Variants in SLC24A3 observed in about 807,000 individuals in gnomAD.
The protein encoded by SLC24A3 is solute carrier family 24 member 3.
Under a neutral mutation model 75.8 loss-of-function variants are expected in SLC24A3, and 28 were observed. The observed-to-expected ratio is 0.37, with a 90% confidence interval of 0.27 to 0.51. SLC24A3 has a LOEUF of 0.51. Among genes scored for constraint, SLC24A3 ranks in the 20% least tolerant of loss-of-function variants. SLC24A3 has a pLI of 0.94. For synonymous variants in SLC24A3, 372 were observed against 334.1 expected (o/e 1.11, Z -1.24); for missense variants, 663 against 847.8 (o/e 0.78, Z 2.71).
At chr20:19,491,646 C>T (rs182497750) in intron 2 of SLC24A3, among the ~76,000 whole-genome samples, 133 of 152,306 alleles carry the variant, frequency 8.7e-4, no homozygotes, top group African/African-American at 3.1e-3. Context: ...ACCCCTGCCC[C>T]TCCTCTGTTC....
chr20:19,429,373 T>C (rs144221457), intron 2 of SLC24A3, among the ~76,000 whole-genome samples: 1 of 152,360 alleles, frequency 6.6e-6, no homozygotes, highest in Non-Finnish European at 1.5e-5. Flanking sequence ...TTCAGGATTA[T>C]CCAGGCAGCA....
intron 3 of SLC24A3, among the ~76,000 whole-genome samples, chr20:19,517,357 TTCTCCCCACCTCCATCTCCCC>T (rs1420284696): frequency 6.6e-6 from 1 of 152,122 alleles, no homozygotes; most frequent in East Asian, 1.9e-4. Context: ...GCATGGTCCT[TTCTCCCCACCTCCATCTCCCC>T]TCTGGACTCA....
chr20:19,632,816 A>C (rs2031951437), intron 6 of SLC24A3, among the ~76,000 whole-genome samples: 1 of 152,188 alleles, frequency 6.6e-6, no homozygotes, highest in Non-Finnish European at 1.5e-5. Flanking sequence ...CGTCCTAGAA[A>C]GTCTATTAAA....
chr20:19,582,380 T>C (rs1327393501), intron 4 of SLC24A3, among the ~76,000 whole-genome samples: 2 of 152,246 alleles, frequency 1.3e-5, no homozygotes, highest in South Asian at 4.1e-4. Flanking sequence ...TTGTGAAAGA[T>C]GAGTGGGGAG....
intron 2 of SLC24A3, among the ~76,000 whole-genome samples, chr20:19,329,868 A>G (rs1045934009): frequency 7.2e-5 from 11 of 152,160 alleles, no homozygotes; most frequent in Non-Finnish European, 1.6e-4. Flanking sequence ...TTGAAGGTCA[A>G]GGCTTTGACC....
At chr20:19,378,224 C>T (rs1003251766) in intron 2 of SLC24A3, among the ~76,000 whole-genome samples, 2 of 151,740 alleles carry the variant, frequency 1.3e-5, no homozygotes, top group Non-Finnish European at 2.9e-5. Flanking sequence ...ATGGAGTTCA[C>T]TGGGCATGCG....
chr20:19,588,242 G>T (rs996042183), intron 6 of SLC24A3, among the ~76,000 whole-genome samples: 2 of 152,174 alleles, frequency 1.3e-5, no homozygotes, highest in African/African-American at 4.8e-5. Context: ...GCAAAGGCTG[G>T]ATATTGGGAA....
intron 6 of SLC24A3, among the ~76,000 whole-genome samples, chr20:19,619,969 AG>A (rs1161801317): frequency 6.6e-6 from 1 of 152,212 alleles, no homozygotes; most frequent in Non-Finnish European, 1.5e-5. Context: ...TTTATTCTGC[AG>A]GGAAAAAATC....
chr20:19,474,745 T>C (rs1987933757), intron 2 of SLC24A3, among the ~76,000 whole-genome samples: 2 of 152,180 alleles, frequency 1.3e-5, no homozygotes, highest in African/African-American at 4.8e-5. Flanking sequence ...GTAAGAACAT[T>C]TAAGATCTAC....
rs921202177 is a variant in SLC24A3 at position 19,461,791 on chromosome 20, C to G, written c.272-53697C>G. 3.3e-5 allele frequency among the ~76,000 whole-genome samples: 5 copies of G among 152,114 alleles called. No individual in the cohort carries two copies. The South Asian group carries it at 8.3e-4, about 25-fold the overall frequency. ...CAAGCCATCTGCCCGCCTCTGCCTC[C>G]CTAAGTGCTGAAGTTACAGGAGTGA... is the stretch of plus-strand genomic sequence containing the variant. On this transcript the variant is annotated intron_variant, in intron 2 of 16. Coordinates refer to ENST00000328041, the MANE Select transcript of SLC24A3 (RefSeq NM_020689.4).
Position 19,721,266 on chromosome 20 carries a change from C to CAAAACAGGAGCGGAGGCCTGA in SLC24A3, c.*126_*127insAAAACAGGAGCGGAGGCCTGA. On this transcript the variant is annotated 3_prime_UTR_variant, in exon 17 of 17. Coordinates refer to ENST00000328041, the MANE Select transcript of SLC24A3 (RefSeq NM_020689.4). ...CTCTCCTGTGCTGTCCTCAGGCCTCCGCTCCTGTTTTGGTGGCCCAGGCTC... is the reference window on the plus strand; with the variant it reads ...CTCTCCTGTGCTGTCCTCAGGCCTCCAAAACAGGAGCGGAGGCCTGAGCTCCTGTTTTGGTGGCCCAGGCTC... 1 of 1,272,112 alleles carries CAAAACAGGAGCGGAGGCCTGA rather than the reference C, an allele frequency of 7.9e-7. No individual in the cohort carries two copies. The highest frequency in any genetic ancestry group is 1.1e-6 in the Non-Finnish European group (1 of 925,696). 78.8% of individuals were successfully genotyped at this position (1,272,112 alleles called of 1,614,324 possible).
At chr20:19,278,471 C>T (rs553143021) in intron 1 of SLC24A3, among the ~76,000 whole-genome samples, 1 of 152,168 alleles carries the variant, frequency 6.6e-6, no homozygotes, top group South Asian at 2.1e-4. Context: ...GAGGGGATGC[C>T]CTTCTCCACA....
chr20:19,478,128 C>G (rs1987992366), intron 2 of SLC24A3, among the ~76,000 whole-genome samples: 1 of 152,186 alleles, frequency 6.6e-6, no homozygotes, highest in Non-Finnish European at 1.5e-5. Flanking sequence ...CAGAGATTGT[C>G]CATCAAAGTC....
chr20:19,368,360 G>A (rs1198165370), intron 2 of SLC24A3, among the ~76,000 whole-genome samples: 2 of 152,184 alleles, frequency 1.3e-5, no homozygotes, highest in African/African-American at 4.8e-5. Flanking sequence ...GACTGCCCTG[G>A]GACCCTCGTG....
At chr20:19,390,701 G>A (rs1421955022) in intron 2 of SLC24A3, among the ~76,000 whole-genome samples, 3 of 152,300 alleles carry the variant, frequency 2.0e-5, no homozygotes, top group Middle Eastern at 3.4e-3. Flanking sequence ...TGAATTTCCT[G>A]TATCAGCTAT....
At chr20:19,349,684 C>T (rs1985522414) in intron 2 of SLC24A3, among the ~76,000 whole-genome samples, 1 of 152,196 alleles carries the variant, frequency 6.6e-6, no homozygotes, top group African/African-American at 2.4e-5. Context: ...TTGCCCACAG[C>T]AGTAACTGGC....
chr20:19,258,699 C>T (rs1226901483), intron 1 of SLC24A3, among the ~76,000 whole-genome samples: 2 of 146,138 alleles, frequency 1.4e-5, no homozygotes, highest in African/African-American at 2.8e-5. Context: ...GAGACTCTGT[C>T]TCCAAATAAA....
At chr20:19,637,588 G>A (rs1368229663) in intron 6 of SLC24A3, among the ~76,000 whole-genome samples, 1 of 152,176 alleles carries the variant, frequency 6.6e-6, no homozygotes, top group African/African-American at 2.4e-5. Flanking sequence ...TTCGCGTACT[G>A]GTAGTAATAA....
At chr20:19,628,202 C>CAAAAAAAAAAAAAAAAAAAA (rs776701707) in intron 6 of SLC24A3, among the ~76,000 whole-genome samples, 3 of 51,818 alleles carry the variant, frequency 5.8e-5, no homozygotes, top group Non-Finnish European at 1.3e-4. Flanking sequence ...GACTCCATCT[C>CAAAAAAAAAAAAAAAAAAAA]AAAAAAAAAA....
Sources: allele counts gnomAD v4.1 joint callset (sites outside exome capture counted in the v4.1 genomes callset), GRCh38; gene constraint gnomAD v4.1.1; transcripts MANE v1.5; gene names NCBI Gene and HGNC (gene_info 2026-07-23, HGNC 2026-07-21).